Variants in KIAA1217 observed in about 807,000 individuals in gnomAD.
KIAA1217 encodes KIAA1217.
KIAA1217 carries 88 observed loss-of-function variants against 163.9 expected under a neutral mutation model. That is an observed-to-expected ratio of 0.54 (90% CI 0.45 to 0.64). KIAA1217 has a LOEUF of 0.64. KIAA1217 is among the 30% of genes least tolerant of loss of function. The pLI is 0.00. For missense variants in KIAA1217, 2,372 were observed against 2,475.0 expected (o/e 0.96, Z 0.88); for synonymous variants, 903 against 923.1 (o/e 0.98, Z 0.39).
rs71397948 is a variant in KIAA1217 at position 24,415,110 on chromosome 10, C to CTT, written c.554-17865_554-17864dup. ...AGCAGCATGGTAGCCTGATCTCTCT[C>CTT]TTTTTTTTTTTTTTTTTTTTTGAGA... On this transcript the variant is annotated intron_variant, in intron 3 of 20. Transcript: ENST00000376454. Among the ~76,000 whole-genome samples the CTT allele has an allele frequency of 3.5e-3, 417 of 120,150 alleles. 8 individuals carry two copies. The East Asian group carries it at 0.038, about 11-fold the overall frequency. 78.8% of individuals were successfully genotyped at this position (120,150 alleles called of 152,430 possible).
At chr10:23,826,947 T>C (rs1012122097) in intron 1 of KIAA1217, among the ~76,000 whole-genome samples, 17 of 152,170 alleles carry the variant, frequency 1.1e-4, no homozygotes, top group Non-Finnish European at 2.1e-4. Context: ...TGCCCTTTTA[T>C]GTAGACTCTT....
At chr10:24,026,639 T>C (rs556902841) in intron 2 of KIAA1217, among the ~76,000 whole-genome samples, 7 of 151,884 alleles carry the variant, frequency 4.6e-5, no homozygotes, top group South Asian at 2.1e-4. Context: ...TTTTTCTCAG[T>C]TAGGCTGGCT....
chr10:24,048,737 A>AT lies in KIAA1217; in HGVS notation c.-171+41363_-171+41364insT, dbSNP rs1201597785. ...AGAGCAAGACTCTGTCTCAAAAAAA[A>AT]AAAAAAATATATTGGCCGGGCGCAG... On this transcript the variant is annotated intron_variant, in intron 2 of 18. Coordinates refer to the KIAA1217 transcript ENST00000376462. Among the ~76,000 whole-genome samples the AT allele has an allele frequency of 7.5e-3, 1,116 of 149,490 alleles. 10 individuals are homozygous for AT. Among genetic ancestry groups the AT allele is most frequent in the African/African-American group, 0.026 (1,049 of 39,800 alleles).
intron 5 of KIAA1217, among the ~76,000 whole-genome samples, chr10:24,451,368 T>C (rs551805296): frequency 3.3e-5 from 5 of 152,304 alleles, no homozygotes. Context: ...AGGTGGAGGG[T>C]TCTGAAGTTA....
intron 4 of KIAA1217, among the ~76,000 whole-genome samples, chr10:24,434,230 G>T (rs1322263312): frequency 6.6e-6 from 1 of 151,766 alleles, no homozygotes; most frequent in Non-Finnish European, 1.5e-5. Context: ...GTAGGTACGG[G>T]GTTTTACCAC....
At chr10:24,139,769 TA>T (rs2063978475) in intron 2 of KIAA1217, among the ~76,000 whole-genome samples, 1 of 152,196 alleles carries the variant, frequency 6.6e-6, no homozygotes, top group African/African-American at 2.4e-5. Context: ...CCATGGGGAA[TA>T]CATTCTAAGA....
intron 2 of KIAA1217, among the ~76,000 whole-genome samples, chr10:24,282,618 C>T (rs1274763841): frequency 6.6e-6 from 1 of 152,020 alleles, no homozygotes; most frequent in East Asian, 1.9e-4. Flanking sequence ...TCAGTTGACC[C>T]CTGTGTTCCT....
intron 17 of KIAA1217, among the ~76,000 whole-genome samples, chr10:24,538,731 G>GTTTT: frequency 1.0e-5 from 1 of 95,532 alleles, no homozygotes; most frequent in Non-Finnish European, 2.2e-5. Flanking sequence ...TATTGTTTTT[G>GTTTT]GTTTTTTTTT....
chr10:23,818,355 T>A (rs538648181), intron 1 of KIAA1217, among the ~76,000 whole-genome samples: 1,725 of 140,374 alleles, frequency 0.012, 27 homozygotes, highest in African/African-American at 0.031. Flanking sequence ...TAAAAAAATA[T>A]ATATATATAT....
chr10:24,065,138 T>A (rs2131611982), intron 2 of KIAA1217, among the ~76,000 whole-genome samples: 1 of 152,308 alleles, frequency 6.6e-6, no homozygotes, highest in South Asian at 2.1e-4. Flanking sequence ...GTGTCTCTAT[T>A]TCCTTCAGTT....
Position 24,466,656 on chromosome 10 carries a change from G to A in KIAA1217, c.847-6572G>A. On this transcript the variant is annotated intron_variant, in intron 5 of 20. Transcript: ENST00000376454. ...TTGTGATGATTTTGTTTCTGAAGAG[G>A]AAGCTGTCTAAAATATTCAAGTGTG... The A allele has an allele frequency of 6.1e-6, 6 of 985,382 alleles. No homozygotes were observed. The South Asian group carries it at 1.9e-4, about 31-fold the overall frequency. 61.0% of individuals were successfully genotyped at this position (985,382 alleles called of 1,614,324 possible).
At chr10:23,784,494 G>GT (rs1835401488) in intron 1 of KIAA1217, among the ~76,000 whole-genome samples, 5 of 151,254 alleles carry the variant, frequency 3.3e-5, no homozygotes, top group African/African-American at 7.3e-5. Flanking sequence ...TTTTCTGTGG[G>GT]GTTTTTTTTG....
intron 1 of KIAA1217, among the ~76,000 whole-genome samples, chr10:24,215,574 C>A (rs1166706152): frequency 1.3e-5 from 2 of 152,186 alleles, no homozygotes; most frequent in Non-Finnish European, 2.9e-5. Context: ...GGAATTGTGA[C>A]TAAATGTCCT....
At chr10:24,416,343 A>T (rs1012556157) in intron 3 of KIAA1217, among the ~76,000 whole-genome samples, 6 of 152,308 alleles carry the variant, frequency 3.9e-5, no homozygotes, top group Admixed American at 1.3e-4. Flanking sequence ...ATCCACCTCC[A>T]TAGCACTACT....
At position 23,889,592 on chromosome 10, in the gene KIAA1217, T is replaced by C. The variant is rs534697785; in HGVS notation, c.-320-117633T>C. Among the ~76,000 whole-genome samples, 143 of 152,068 alleles carry C rather than the reference T, an allele frequency of 9.4e-4. 1 individual carries two copies. The Middle Eastern group carries it at 0.01, about 11-fold the overall frequency. On this transcript the variant is annotated intron_variant, in intron 1 of 18. Coordinates refer to the KIAA1217 transcript ENST00000376462. ...TTATCCCTGCTTGCTTAGAGAAATA[T>C]TTGTATCCTTAAATGATTCAATTCA...
At chr10:24,413,367 T>A (rs1201396886) in intron 3 of KIAA1217, among the ~76,000 whole-genome samples, 1 of 152,158 alleles carries the variant, frequency 6.6e-6, no homozygotes, top group Non-Finnish European at 1.5e-5. Flanking sequence ...AGACAGGGTT[T>A]CACCATATTG....
At chr10:24,346,048 T>C (rs139760784) in intron 2 of KIAA1217, among the ~76,000 whole-genome samples, 43 of 152,308 alleles carry the variant, frequency 2.8e-4, no homozygotes, top group African/African-American at 9.9e-4. Flanking sequence ...CTCGTTTAGG[T>C]AAAATCATAA....
chr10:24,149,808 C>A (rs1420171098), intron 2 of KIAA1217, among the ~76,000 whole-genome samples: 1 of 151,936 alleles, frequency 6.6e-6, no homozygotes, highest in African/African-American at 2.4e-5. Context: ...TCCCAGTTAC[C>A]CTGATTTAAT....
At chr10:24,119,536 T>A (rs1589569104) in intron 2 of KIAA1217, among the ~76,000 whole-genome samples, 1 of 152,220 alleles carries the variant, frequency 6.6e-6, no homozygotes, top group East Asian at 1.9e-4. Context: ...ACTATTAGGC[T>A]GAGCTACAGC....
Sources: gnomAD v4.1 joint callset for allele counts (sites outside exome capture counted in the v4.1 genomes callset) on GRCh38, gnomAD v4.1.1 for gene constraint, MANE v1.5 for transcripts, NCBI Gene and HGNC (gene_info 2026-07-23, HGNC 2026-07-21) for gene names.